FRMD4A: variants seen among roughly 807,000 people sequenced by gnomAD.
FRMD4A encodes FERM domain containing 4A.
In FRMD4A, 29 loss-of-function variants were observed where a neutral mutation model predicts 129.1. The ratio of observed to expected loss-of-function variants is 0.22; its 90% confidence interval spans 0.17 to 0.31. FRMD4A has a LOEUF of 0.31. Among genes scored for constraint, FRMD4A ranks in the 10% least tolerant of loss-of-function variants. The probability of loss-of-function intolerance (pLI) is 1.00; values close to 1 mark genes in which losing one functional copy is unlikely to be tolerated. For synonymous variants in FRMD4A, 634 were observed against 571.6 expected, an observed-to-expected ratio of 1.11 and a Z score of -1.56; for missense variants, 1,272 against 1,375.8, an observed-to-expected ratio of 0.92 and a Z score of 1.19.
intron 2 of FRMD4A, among the ~76,000 whole-genome samples, chr10:14,191,392 G>A (rs926694521): frequency 3.3e-5 from 5 of 152,194 alleles, no homozygotes; most frequent in Non-Finnish European, 5.9e-5. Flanking sequence ...GCCAGTAGAA[G>A]TGCCAGCTCC....
chr10:13,692,810 G>T (rs1309765152), intron 15 of FRMD4A: 3 of 152,114 alleles, frequency 2.0e-5, no homozygotes, highest in Non-Finnish European at 4.4e-5. Context: ...TCTTTGCGTG[G>T]CTCAGAGACA....
At chr10:13,824,952 A>C (rs1274586194) in intron 3 of FRMD4A, among the ~76,000 whole-genome samples, 1 of 151,300 alleles carries the variant, frequency 6.6e-6, no homozygotes, top group Non-Finnish European at 1.5e-5. Context: ...ATACAGGAGG[A>C]TGTGTCTAGG....
chr10:13,703,305 C>T (rs187165585), intron 13 of FRMD4A, among the ~76,000 whole-genome samples: 29 of 152,280 alleles, frequency 1.9e-4, no homozygotes, highest in African/African-American at 5.8e-4. Context: ...CCTCATCTTT[C>T]GCTTCAAGCC....
At chr10:13,841,491 G>A (rs1226828270) in intron 3 of FRMD4A, among the ~76,000 whole-genome samples, 1 of 152,176 alleles carries the variant, frequency 6.6e-6, no homozygotes, top group Non-Finnish European at 1.5e-5. Context: ...GGAGGAGAAG[G>A]AGACTGAAGA....
At chr10:13,714,695 G>A (rs1239838064) in intron 12 of FRMD4A, among the ~76,000 whole-genome samples, 3 of 152,158 alleles carry the variant, frequency 2.0e-5, no homozygotes, top group African/African-American at 7.2e-5. Flanking sequence ...TATAGCCAGA[G>A]ATGGAAACCA....
intron 2 of FRMD4A, among the ~76,000 whole-genome samples, chr10:13,969,444 C>A (rs2095504709): frequency 2.6e-5 from 4 of 152,206 alleles, no homozygotes; most frequent in Admixed American, 2.6e-4. Flanking sequence ...TATTCTTTTT[C>A]CAGGCCCGGT....
chr10:14,086,336 G>A (rs1306453484), intron 2 of FRMD4A, among the ~76,000 whole-genome samples: 3 of 152,166 alleles, frequency 2.0e-5, no homozygotes, highest in African/African-American at 4.8e-5. Context: ...TCAGCTCTGA[G>A]CCTCAGGTTC....
intron 12 of FRMD4A, among the ~76,000 whole-genome samples, chr10:13,713,829 CATATATGTAATATATATACACAT>C (rs1445301268): frequency 1.8e-5 from 1 of 54,476 alleles, no homozygotes. Flanking sequence ...AATATATATA[CATATATGTAATATATATACACAT>C]ATATATAATA....
At chr10:13,705,681 A>T (rs1403117218) in intron 13 of FRMD4A, among the ~76,000 whole-genome samples, 1 of 151,968 alleles carries the variant, frequency 6.6e-6, no homozygotes, top group Non-Finnish European at 1.5e-5. Flanking sequence ...CGCCCACCCC[A>T]CTTGGCCTGC....
intron 18 of FRMD4A, among the ~76,000 whole-genome samples, chr10:13,664,121 G>A (rs1564550869): frequency 6.6e-6 from 1 of 152,198 alleles, no homozygotes; most frequent in African/African-American, 2.4e-5. Context: ...GAAACTGAGG[G>A]GTAGGAAGGG....
chr10:13,982,805 G>A (rs1008764382), intron 2 of FRMD4A, among the ~76,000 whole-genome samples: 2 of 152,136 alleles, frequency 1.3e-5, no homozygotes, highest in Non-Finnish European at 2.9e-5. Context: ...AAATAAATTT[G>A]TATGCCTTTT....
At chr10:13,845,365 G>A (rs2094028821) in intron 3 of FRMD4A, among the ~76,000 whole-genome samples, 1 of 152,156 alleles carries the variant, frequency 6.6e-6, no homozygotes, top group South Asian at 2.1e-4. Context: ...GGGCAGTTAA[G>A]ACATTTTTTG....
At chr10:13,894,275 C>T (rs2094733228) in intron 2 of FRMD4A, among the ~76,000 whole-genome samples, 1 of 152,214 alleles carries the variant, frequency 6.6e-6, no homozygotes, top group Non-Finnish European at 1.5e-5. Context: ...GAGCGATTCT[C>T]CTAAATCCCA....
At chr10:13,873,077 G>C (rs542958550) in intron 2 of FRMD4A, among the ~76,000 whole-genome samples, 1 of 151,956 alleles carries the variant, frequency 6.6e-6, no homozygotes, top group South Asian at 2.1e-4. Context: ...TTGGGAGGCT[G>C]AGGCAGAAGA....
intron 12 of FRMD4A, among the ~76,000 whole-genome samples, chr10:13,726,099 A>G (rs1165637031): frequency 6.6e-6 from 1 of 152,122 alleles, no homozygotes; most frequent in African/African-American, 2.4e-5. Flanking sequence ...ACATGGCAAA[A>G]CCCTGTCTCT....
intron 15 of FRMD4A, among the ~76,000 whole-genome samples, chr10:13,689,709 T>A (rs1589388667): frequency 1.3e-5 from 2 of 151,550 alleles, no homozygotes; most frequent in East Asian, 3.9e-4. Flanking sequence ...TGCACCACCA[T>A]GTCCAGCTAT....
At chr10:14,169,703 G>C (rs1841376018) in intron 2 of FRMD4A, among the ~76,000 whole-genome samples, 1 of 152,064 alleles carries the variant, frequency 6.6e-6, no homozygotes, top group African/African-American at 2.4e-5. Context: ...CACTTTCTTA[G>C]GAAAACATTT....
chr10:14,321,411 C>T (rs1218432), intron 2 of FRMD4A, among the ~76,000 whole-genome samples: 126,452 of 151,738 alleles, frequency 0.83, 52,865 homozygotes, highest in Non-Finnish European at 0.86. Flanking sequence ...TAGAATAGCA[C>T]TCCAAAGAAT....
At chr10:14,200,789 T>G (rs1393884407) in intron 2 of FRMD4A, among the ~76,000 whole-genome samples, 1 of 152,196 alleles carries the variant, frequency 6.6e-6, no homozygotes, top group Non-Finnish European at 1.5e-5. Context: ...TTTCCGGTGC[T>G]TGGGCTGAGC....
Sources: allele counts gnomAD v4.1 joint callset (sites outside exome capture counted in the v4.1 genomes callset), GRCh38; gene constraint gnomAD v4.1.1; transcripts MANE v1.5; gene names NCBI Gene and HGNC (gene_info 2026-07-23, HGNC 2026-07-21).